ITSN1: variants seen among roughly 807,000 people sequenced by gnomAD.
ITSN1 encodes the protein intersectin 1.
Under a neutral mutation model 239.8 loss-of-function variants are expected in ITSN1, and 58 were observed. The ratio of observed to expected loss-of-function variants is 0.24; its 90% CI spans 0.20 to 0.30. The LOEUF is 0.30. Among genes scored for constraint, ITSN1 ranks in the 10% least tolerant of loss-of-function variants. ITSN1 has a pLI of 1.00. For missense variants in ITSN1, 1,558 were observed against 2,103.3 expected (o/e 0.74, Z 5.07); for synonymous variants, 780 against 770.8 (o/e 1.01, Z -0.20).
rs567824763 is a variant in ITSN1, at chr21:33,895,577, G to T, written c.*7277G>T. 6.6e-6 allele frequency: 1 copy of T among 151,106 alleles called. No individual in the cohort carries two copies. Among genetic ancestry groups the T allele is most frequent in the Non-Finnish European group, 1.5e-5 (1 of 67,890 alleles). The allele number at this position is 151,106 out of a possible 1,614,324, so 9.4% of individuals were successfully genotyped here. A position where few individuals can be genotyped will look rare whatever the true frequency, so the allele number is the denominator to read the frequency against. On this transcript the variant is annotated 3_prime_UTR_variant, in exon 40 of 40. Coordinates refer to ENST00000381318, the MANE Select transcript of ITSN1 (RefSeq NM_003024.3). ...CATGTGTGTGCGTGTATGTGTGCGT[G>T]TGTGCATGTTTGTGAGTGCATGTGT...
chr21:33,856,871 T>TG lies in ITSN1; in HGVS notation c.3783+18dup, dbSNP rs771632306. The TG allele has an allele frequency of 1.2e-6, 2 of 1,611,810 alleles. No homozygotes were observed. ...CTGGTCACAGAGGTAAGGGAGCTGG[T>TG]GGGGCAGGGGGCACGGCAGGGGGCG... On this transcript the variant is annotated intron_variant, in intron 30 of 39. Transcript: ENST00000381318.
intron 1 of ITSN1, among the ~76,000 whole-genome samples, chr21:33,714,840 ATAT>A (rs1168811280): frequency 6.6e-6 from 1 of 152,206 alleles, no homozygotes. Context: ...CTTAAAGAAA[ATAT>A]TAGCAAATCA....
Position 33,758,113 on chromosome 21 carries a change from C to CCTCA in ITSN1, c.724+2717_724+2720dup, listed in dbSNP as rs752752113. On this transcript the variant is annotated intron_variant, in intron 8 of 39. Transcript: ENST00000381318. Reference sequence around the variant, plus strand: ...GTCCAGGCTGGTTTTGAACTCCTGACCTCAAGCAGTCCTACCACCTTGTCC... The same window carrying CCTCA: ...GTCCAGGCTGGTTTTGAACTCCTGACCTCACTCAAGCAGTCCTACCACCTTGTCC... Among the ~76,000 whole-genome samples, 4 of 152,154 alleles carry CCTCA rather than the reference C, an allele frequency of 2.6e-5. No individual in the cohort carries two copies. In the East Asian group the frequency reaches 5.8e-4, roughly 22 times the overall value.
chr21:33,865,703 C>T lies in ITSN1; in HGVS notation c.4074+369C>T, dbSNP rs190244104. ...GCCACATCCTCAGTTCTTTGCTGGT[C>T]TCTGCCCTTCACTTGCAGAGGGAAT... On this transcript the variant is annotated intron_variant, in intron 32 of 39. Transcript: ENST00000381318. This position sits in a 1 kb window ranked among gnomAD's most constrained non-coding sequence, Gnocchi z 4.4. 6.6e-6 allele frequency among the ~76,000 whole-genome samples: 1 copy of T among 152,384 alleles called. No individual in the cohort carries two copies. Among genetic ancestry groups the T allele is most frequent in the Admixed American group, 6.5e-5 (1 of 15,308 alleles).
chr21:33,866,608 T>C (rs1981637665), intron 32 of ITSN1, among the ~76,000 whole-genome samples: 1 of 152,060 alleles, frequency 6.6e-6, no homozygotes, highest in Non-Finnish European at 1.5e-5. Flanking sequence ...TCCCGGTCCC[T>C]GGAGACAGTT....
At chr21:33,687,159 C>T (rs925285809) in intron 1 of ITSN1, among the ~76,000 whole-genome samples, 2 of 151,864 alleles carry the variant, frequency 1.3e-5, no homozygotes, top group Non-Finnish European at 2.9e-5. Context: ...TGGTGAAACC[C>T]TGTCTTTACT....
chr21:33,787,395 C>G (rs2070757774), intron 16 of ITSN1, among the ~76,000 whole-genome samples: 2 of 152,158 alleles, frequency 1.3e-5, no homozygotes, highest in African/African-American at 4.8e-5. Flanking sequence ...CCTTAGTATA[C>G]TTGGGAAATC....
chr21:33,643,503 G>A (rs982211501), intron 1 of ITSN1: 2 of 151,952 alleles, frequency 1.3e-5, no homozygotes, highest in African/African-American at 4.8e-5. Context: ...CTTGCCTTGG[G>A]ATTAGAAAAC....
At chr21:33,784,357 G>C (rs1018678353) in intron 16 of ITSN1, among the ~76,000 whole-genome samples, 12 of 108,768 alleles carry the variant, frequency 1.1e-4, no homozygotes, top group Admixed American at 1.1e-3. Flanking sequence ...ACACACACTA[G>C]TCAGGTATGG....
At chr21:33,819,129 G>T in intron 23 of ITSN1, 112 bp from the exon 24 acceptor site, 1 of 718,462 alleles carries the variant, frequency 1.4e-6, no homozygotes, top group Non-Finnish European at 2.4e-6. Flanking sequence ...TATTTCAGCT[G>T]TGGGTCGTTT....
intron 1 of ITSN1, among the ~76,000 whole-genome samples, chr21:33,710,887 C>T (rs971729429): frequency 4.0e-5 from 6 of 150,906 alleles, no homozygotes; most frequent in Non-Finnish European, 7.4e-5. Flanking sequence ...CTCACTGCAA[C>T]CTCCGCCTCT....
intron 27 of ITSN1, among the ~76,000 whole-genome samples, chr21:33,832,660 G>A (rs761143353): frequency 3.3e-5 from 5 of 151,964 alleles, no homozygotes; most frequent in African/African-American, 9.7e-5. Context: ...GTAGATAAAC[G>A]TGGAAATTTG....
Position 33,885,060 on chromosome 21 carries a change from A to G in ITSN1, c.4696A>G (p.Ile1566Val). 3 of 1,614,196 alleles carry G rather than the reference A, an allele frequency of 1.9e-6. No homozygotes were observed. The highest frequency in any genetic ancestry group is 2.5e-6 in the Non-Finnish European group (3 of 1,180,022). The change falls in exon 37 of 40, where the codon ATC becomes GTC. Residue 1566 changes from isoleucine to valine, a missense_variant. Around this residue, in one of 2 missense-constraint regions of ITSN1, gnomAD observed 576 missense variants for 893.3 expected, o/e 0.64. Transcript: ENST00000381318. ...INERTAWVQK[I>V]KAASELYIET... is the part of the protein sequence containing the mutation. ...TCCAAGGACTGCCTGGGTGCAGAAAATCAAAGCTGCTTCTGAACTCTACAT... is the reference window on the plus strand; with the variant it reads ...TCCAAGGACTGCCTGGGTGCAGAAAGTCAAAGCTGCTTCTGAACTCTACAT...
chr21:33,780,828 A>C (rs2070110696), intron 14 of ITSN1, among the ~76,000 whole-genome samples: 1 of 152,248 alleles, frequency 6.6e-6, no homozygotes, highest in Non-Finnish European at 1.5e-5. Context: ...CAAGTTAACC[A>C]CAAAAATTCC....
chr21:33,793,529 G>A (rs2071311413), intron 16 of ITSN1, among the ~76,000 whole-genome samples: 1 of 152,112 alleles, frequency 6.6e-6, no homozygotes, highest in Admixed American at 6.5e-5. Context: ...CTCAGCAGAC[G>A]TTTCCTTATT....
chr21:33,694,087 C>T (rs1482391779), intron 1 of ITSN1, among the ~76,000 whole-genome samples: 24 of 152,238 alleles, frequency 1.6e-4, no homozygotes, highest in Non-Finnish European at 2.6e-4. Flanking sequence ...GATCGTAGCT[C>T]ACTGCAGCCT....
chr21:33,738,380 G>A (rs1478349515), intron 5 of ITSN1, among the ~76,000 whole-genome samples: 2 of 152,026 alleles, frequency 1.3e-5, no homozygotes, highest in African/African-American at 4.8e-5. Context: ...TTCTAACAAA[G>A]GAGATAGAAC....
intron 1 of ITSN1, among the ~76,000 whole-genome samples, chr21:33,667,787 G>A (rs907647052): frequency 2.6e-5 from 4 of 152,108 alleles, no homozygotes; most frequent in Admixed American, 6.6e-5. Context: ...ATGTAATACC[G>A]CTCCTTATGT....
intron 4 of ITSN1, among the ~76,000 whole-genome samples, chr21:33,726,563 G>A (rs991153109): frequency 1.3e-5 from 2 of 152,110 alleles, no homozygotes; most frequent in Non-Finnish European, 2.9e-5. Context: ...GAGTGCAGTG[G>A]CATGATCATA....
Sources: gnomAD v4.1 joint callset for allele counts (sites outside exome capture counted in the v4.1 genomes callset) on GRCh38, gnomAD v4.1.1 for gene constraint, gnomAD v4.1.1 regional missense constraint, Gnocchi (gnomAD v3.1) non-coding constraint, MANE v1.5 for transcripts, NCBI Gene and HGNC (gene_info 2026-07-23, HGNC 2026-07-21) for gene names.